NAPG: variants seen among roughly 807,000 people sequenced by gnomAD.
NAPG encodes the protein NSF attachment protein gamma, also known as gamma-soluble NSF attachment protein.
A neutral mutation model predicts 48.4 loss-of-function variants in NAPG; 25 were observed. The observed-to-expected ratio is 0.52, with a 90% CI of 0.38 to 0.72. The LOEUF (loss-of-function observed/expected upper bound fraction) is 0.72. NAPG is among the 30% of genes least tolerant of loss of function. The pLI is 0.00. For synonymous variants in NAPG, 139 were observed against 127.2 expected, an observed-to-expected ratio of 1.09 and a Z score of -0.62; for missense variants, 359 against 372.5, an observed-to-expected ratio of 0.96 and a Z score of 0.30.
chr18:10,533,423 T>G (rs1180810838), intron 3 of NAPG, 113 bp from the exon 4 acceptor site: 12 of 878,588 alleles, frequency 1.4e-5, no homozygotes, highest in Non-Finnish European at 1.9e-5. Flanking sequence ...AGGATTTGTC[T>G]TTTGGAACCA....
intron 1 of NAPG, among the ~76,000 whole-genome samples, chr18:10,530,158 T>C (rs971789998): frequency 2.6e-4 from 40 of 151,288 alleles, no homozygotes; most frequent in African/African-American, 8.5e-4. Flanking sequence ...TTTCTGATTA[T>C]CCTTCTTGTT....
At chr18:10,540,473 G>T in intron 8 of NAPG, 74 bp downstream of exon 8, 1 of 1,290,142 alleles carries the variant, frequency 7.8e-7, no homozygotes, top group South Asian at 1.2e-5. Context: ...AAGTAATTTG[G>T]GGGATAGCTT....
chr18:10,536,992 T>C (rs1472536226), intron 5 of NAPG, among the ~76,000 whole-genome samples: 1 of 151,552 alleles, frequency 6.6e-6, no homozygotes, highest in Admixed American at 6.6e-5. Context: ...GATCTTGCTC[T>C]GTTGCCCAGG....
In NAPG at chr18:10,548,757, G is replaced by A. The variant is rs1417229226; in HGVS notation, c.666-210G>A. 6.6e-6 allele frequency among the ~76,000 whole-genome samples: 1 copy of A among 152,124 alleles called. No individual in the cohort carries two copies. The highest frequency in any genetic ancestry group is 2.4e-5 in the African/African-American group (1 of 41,424). ...CTCAACACTGTTAACATTTGGGCTG[G>A]ATAATTCTTTGTGGTCGGGCCTGTC... On this transcript the variant is annotated intron_variant, in intron 10 of 11. Transcript: ENST00000322897. The surrounding 1 kb of genome is among the most constrained non-coding windows in gnomAD (Gnocchi z 4.4).
chr18:10,549,352 A>T (rs2032337662), intron 11 of NAPG, among the ~76,000 whole-genome samples: 1 of 152,184 alleles, frequency 6.6e-6, no homozygotes, highest in Non-Finnish European at 1.5e-5. Flanking sequence ...TTTAAAATTG[A>T]GGCTCATTTC....
rs774134402 is a variant in NAPG at position 10,526,149 on chromosome 18, C to T, written c.47C>T (p.Ala16Val). 8 of 1,611,562 alleles carry T rather than the reference C, an allele frequency of 5.0e-6. No homozygotes were observed. Among genetic ancestry groups the T allele is most frequent in the Non-Finnish European group, 6.8e-6 (8 of 1,178,666 alleles). ...GAGGGGCTGGAACACCTCGCCAAAG[C>T]AGAGAAATAGTGAGTGAGAACCTTC... ...INEGLEHLAK[A>V]EKYLKTGFLK... Residue 16 changes from alanine (A) to valine (V), a missense_variant, in exon 1 of 12, where the codon GCA becomes GTA. Coordinates refer to ENST00000322897, the MANE Select transcript of NAPG (RefSeq NM_003826.3).
Position 10,543,931 on chromosome 18 carries a change from C to T in NAPG, c.507-2395C>T, listed in dbSNP as rs1008461996. ...TACAAACTCATGTAAGGGCTTGGCT[C>T]TTTTGTTAGGTAACTATATATTAGC... On this transcript the variant is annotated intron_variant, in intron 8 of 11. Coordinates refer to ENST00000322897, the MANE Select transcript of NAPG (RefSeq NM_003826.3). The surrounding 1 kb of genome is among the most constrained non-coding windows in gnomAD (Gnocchi z 4.4). 6.6e-6 allele frequency among the ~76,000 whole-genome samples: 1 copy of T among 152,016 alleles called. No homozygotes were observed. Among genetic ancestry groups the T allele is most frequent in the African/African-American group, 2.4e-5 (1 of 41,378 alleles).
chr18:10,530,628 G>A, intron 1 of NAPG, 142 bp from the exon 2 acceptor site: 1 of 476,942 alleles, frequency 2.1e-6, no homozygotes, highest in Admixed American at 4.3e-5. Context: ...AAGTTTGGAT[G>A]GAGGCGGGTG....
At chr18:10,529,197 G>A (rs2031880088) in intron 1 of NAPG, among the ~76,000 whole-genome samples, 1 of 151,838 alleles carries the variant, frequency 6.6e-6, no homozygotes. Context: ...GTTTTTAGTG[G>A]GATTAAAAAA....
rs754824695 is a variant in NAPG, at chr18:10,546,411, T to C, written c.585+7T>C. On this transcript the variant is annotated splice_region_variant and intron_variant, in intron 9 of 11. Coordinates refer to ENST00000322897, the MANE Select transcript of NAPG (RefSeq NM_003826.3). The surrounding 1 kb of genome is among the most constrained non-coding windows in gnomAD (Gnocchi z 4.0). ...TTATCCAACTTGTTATAAGGTATTCTTTGAAAGTGTTTGTTTTTGGTATTA... is the reference window on the plus strand; with the variant it reads ...TTATCCAACTTGTTATAAGGTATTCCTTGAAAGTGTTTGTTTTTGGTATTA... The C allele has an allele frequency of 6.8e-6, 10 of 1,473,456 alleles. No individual in the cohort carries two copies. Among genetic ancestry groups the C allele is most frequent in the Middle Eastern group, 1.8e-4 (1 of 5,534 alleles). 91.3% of individuals were successfully genotyped at this position (1,473,456 alleles called of 1,614,324 possible).
rs1010953922 is a variant in NAPG, at chr18:10,544,829, A to G, written c.507-1497A>G. Among the ~76,000 whole-genome samples, 2 of 152,196 alleles carry G rather than the reference A, an allele frequency of 1.3e-5. No individual in the cohort carries two copies. The highest frequency in any genetic ancestry group is 4.8e-5 in the African/African-American group (2 of 41,444). On this transcript the variant is annotated intron_variant, in intron 8 of 11. Coordinates refer to ENST00000322897, the MANE Select transcript of NAPG (RefSeq NM_003826.3). This position sits in a 1 kb window ranked among gnomAD's most constrained non-coding sequence, Gnocchi z 5.1. ...ATTGACTTTGTTCCAAAAATTTATC[A>G]AGTTGACCTGTGGAAATTCAGAATG...
At chr18:10,526,490 G>C in intron 1 of NAPG, 2 of 319,402 alleles carry the variant, frequency 6.3e-6, no homozygotes, top group South Asian at 5.0e-5. Flanking sequence ...GGGGCTGTCT[G>C]TGCATCGGAG....
In NAPG at chr18:10,540,367, A is replaced by G. The variant is rs1487999808; in HGVS notation, c.474A>G (p.Gly158=). The G allele has an allele frequency of 6.2e-7, 1 of 1,613,676 alleles. No individual in the cohort carries two copies. Among genetic ancestry groups the G allele is most frequent in the East Asian group, 2.2e-5 (1 of 44,870 alleles). The change falls in exon 8 of 12, where the codon GGA becomes GGG. Residue 158 remains glycine, a synonymous_variant. Coordinates refer to ENST00000322897, the MANE Select transcript of NAPG (RefSeq NM_003826.3). ...ERLRQAVELL[G]KASRLLVRGR... ...TACGACAGGCAGTTGAATTACTAGGAAAAGCCTCCAGACTACTAGTACGAG... is the reference window on the plus strand; with the variant it reads ...TACGACAGGCAGTTGAATTACTAGGGAAAGCCTCCAGACTACTAGTACGAG...
In NAPG at chr18:10,543,093, G is replaced by A. The variant is rs1468440356; in HGVS notation, c.506+2694G>A. Among the ~76,000 whole-genome samples, 2 of 149,826 alleles carry A rather than the reference G, an allele frequency of 1.3e-5. No homozygotes were observed. Among genetic ancestry groups the A allele is most frequent in the Non-Finnish European group, 1.5e-5 (1 of 67,694 alleles). On this transcript the variant is annotated intron_variant, in intron 8 of 11. Transcript: ENST00000322897. The surrounding 1 kb of genome is among the most constrained non-coding windows in gnomAD (Gnocchi z 4.4). ...CAGCTACTCGGGAGGCTGGAGAATC[G>A]CTTGAACCCAGGAGGCACAGGTTGC...
intron 1 of NAPG, among the ~76,000 whole-genome samples, chr18:10,527,048 C>T (rs1031300309): frequency 6.6e-6 from 1 of 151,858 alleles, no homozygotes; most frequent in Non-Finnish European, 1.5e-5. Flanking sequence ...ATTAGCCGGG[C>T]GTGGTGGCGG....
At position 10,527,187 on chromosome 18, in the gene NAPG, CAAA is replaced by C. The variant is rs775618160; in HGVS notation, c.56+1045_56+1047del. 6.0e-3 allele frequency among the ~76,000 whole-genome samples: 628 copies of C among 105,532 alleles called. 5 individuals carry two copies. The highest frequency in any genetic ancestry group is 8.7e-3 in the Non-Finnish European group (441 of 50,932). The allele number at this position is 105,532 out of a possible 152,430, so 69.2% of individuals were successfully genotyped here. Reference sequence around the variant, plus strand: ...TGGGCCACAGAGCGAGACTCCGTCTCAAAAAAAAAAAAAAAAAAGAAAAGAAAA... The same window carrying C: ...TGGGCCACAGAGCGAGACTCCGTCTCAAAAAAAAAAAAAAAGAAAAGAAAA... On this transcript the variant is annotated intron_variant, in intron 1 of 11. Transcript: ENST00000322897.
rs761251653 is a variant in NAPG, at chr18:10,526,070, C to T, written c.-33C>T. 1.9e-6 allele frequency: 3 copies of T among 1,606,898 alleles called. No individual in the cohort carries two copies. Among genetic ancestry groups the T allele is most frequent in the South Asian group, 1.1e-5 (1 of 90,908 alleles). Reference sequence around the variant, plus strand: ...GGCGCCGGAGGAAGAGGCAGGGTCACCCTCTCTCCACGTCAGAGACCTGAC... The same window carrying T: ...GGCGCCGGAGGAAGAGGCAGGGTCATCCTCTCTCCACGTCAGAGACCTGAC... On this transcript the variant is annotated 5_prime_UTR_variant, in exon 1 of 12. Coordinates refer to ENST00000322897, the MANE Select transcript of NAPG (RefSeq NM_003826.3).
At position 10,549,775 on chromosome 18, in the gene NAPG, A is replaced by G. The variant is rs563067404; in HGVS notation, c.796-302A>G. Among the ~76,000 whole-genome samples the G allele has an allele frequency of 2.0e-4, 30 of 152,286 alleles. No homozygotes were observed. The South Asian group carries it at 5.4e-3, about 27-fold the overall frequency. On this transcript the variant is annotated intron_variant, in intron 11 of 11. Transcript: ENST00000322897. ...AACTTAAGGCCTTCAGTTGTTTATT[A>G]TAATGATATATGTAGATAATTTTTT...
At position 10,548,322 on chromosome 18, in the gene NAPG, T is replaced by G. The variant is rs1319772746; in HGVS notation, c.609T>G (p.Val203=). The change falls in exon 10 of 12, where the codon GTT becomes GTG. Residue 203 remains valine, a synonymous_variant. Coordinates refer to ENST00000322897, the MANE Select transcript of NAPG (RefSeq NM_003826.3). The surrounding 1 kb of genome is among the most constrained non-coding windows in gnomAD (Gnocchi z 4.4). Reference sequence around the variant, plus strand: ...AGAAAACAATTGCTCAAGTCTTAGTTCATCTACACAGAAATGACTATGTAG... The same window carrying G: ...AGAAAACAATTGCTCAAGTCTTAGTGCATCTACACAGAAATGACTATGTAG... ...CYKKTIAQVL[V]HLHRNDYVAA... The G allele has an allele frequency of 1.2e-6, 2 of 1,613,100 alleles. No homozygotes were observed. Among genetic ancestry groups the G allele is most frequent in the Non-Finnish European group, 1.7e-6 (2 of 1,179,484 alleles).
Sources: gnomAD v4.1 joint callset for allele counts (sites outside exome capture counted in the v4.1 genomes callset) on GRCh38, gnomAD v4.1.1 for gene constraint, Gnocchi (gnomAD v3.1) non-coding constraint, MANE v1.5 for transcripts, NCBI Gene and HGNC (gene_info 2026-07-23, HGNC 2026-07-21) for gene names.